Variants in TIGD2 observed in about 807,000 individuals in gnomAD.
TIGD2 encodes tigger transposable element derived 2.
Under a neutral mutation model 27.0 loss-of-function variants are expected in TIGD2, and 14 were observed. The ratio of observed to expected loss-of-function variants is 0.52; its 90% confidence interval spans 0.34 to 0.81. TIGD2 has a LOEUF of 0.81. Ranked by LOEUF, TIGD2 falls within the 30% of genes least tolerant of loss-of-function variation. TIGD2 has a pLI of 0.01. For synonymous variants in TIGD2, 201 were observed against 209.0 expected, an observed-to-expected ratio of 0.96 and a Z score of 0.33; for missense variants, 590 against 617.3, an observed-to-expected ratio of 0.96 and a Z score of 0.47.
At position 89,114,275 on chromosome 4, in the gene TIGD2, C is replaced by T. The variant is rs1041574360; in HGVS notation, c.1301C>T (p.Ser434Phe). ...GAGAATATTGATCAGTGGTTCGACT[C>T]TCGGAGCAGTGACTCAAGCTGTCAG... Reference protein sequence around the residue: ...DIENIDQWFDSRSSDSSCQVL... With the variant: ...DIENIDQWFDFRSSDSSCQVL... The change falls in exon 2 of 2, where the codon TCT becomes TTT. Residue 434 changes from serine to phenylalanine, a missense_variant. Transcript: ENST00000603357. 18 of 1,613,954 alleles carry T rather than the reference C, an allele frequency of 1.1e-5. No homozygotes were observed. Among genetic ancestry groups the T allele is most frequent in the Non-Finnish European group, 1.3e-5 (15 of 1,180,038 alleles).
chr4:89,113,061 A>C lies in TIGD2; in HGVS notation c.87A>C (p.Lys29Asn). 6.2e-7 allele frequency: 1 copy of C among 1,612,964 alleles called. No homozygotes were observed. Among genetic ancestry groups the C allele is most frequent in the Admixed American group, 1.7e-5 (1 of 59,798 alleles). The part of the protein sequence containing the change: ...IKKLEEGISF[K>N]KLSVVYGIGE... ...AACTTGAGGAAGGCATCTCTTTCAA[A>C]AAACTTTCCGTGGTGTACGGAATTG... The change falls in exon 2 of 2, where the codon AAA becomes AAC. Residue 29 changes from lysine (K) to asparagine (N), a missense_variant. By Grantham distance (94) the Lys-to-Asn change is moderately conservative. Transcript: ENST00000603357.
rs1225635463 is a variant in TIGD2, at chr4:89,113,989, C to T, written c.1015C>T (p.Arg339Ter). The T allele has an allele frequency of 2.5e-6, 4 of 1,613,846 alleles. No individual in the cohort carries two copies. The African/African-American group carries it at 4.0e-5, about 16-fold the overall frequency. ...TCTAGCCACTGTAAAAAGATACTATCGAGCAGGACTTCTCCAGAAATACAT... is the reference window on the plus strand; with the variant it reads ...TCTAGCCACTGTAAAAAGATACTATTGAGCAGGACTTCTCCAGAAATACAT... The part of the protein sequence containing the change: ...GVLATVKRYY[R>*]AGLLQKYMDE... Residue 339 changes from arginine to a stop codon, truncating the protein, a stop_gained, in exon 2 of 2, where the codon CGA (arginine) becomes TGA (stop). Transcript: ENST00000603357. LOFTEE classifies it high-confidence loss of function.
Position 89,112,917 on chromosome 4 carries a change from A to G in TIGD2, c.-58A>G. The G allele has an allele frequency of 1.4e-6, 2 of 1,426,214 alleles. No homozygotes were observed. The highest frequency in any genetic ancestry group is 1.4e-5 in the South Asian group (1 of 71,108). 88.3% of individuals were successfully genotyped at this position (1,426,214 alleles called of 1,614,324 possible). A position where few individuals can be genotyped will look rare whatever the true frequency, so the allele number is the denominator to read the frequency against. On this transcript the variant is annotated 5_prime_UTR_variant, in exon 2 of 2. Transcript: ENST00000603357. ...CTCATTTTCTAGTTGCTTTGTATTC[A>G]AATCTTAGTTGTTAATTATCTTGTT...
At position 89,114,014 on chromosome 4, in the gene TIGD2, T is replaced by C. The variant is rs1721164346; in HGVS notation, c.1040T>C (p.Met347Thr). The C allele has an allele frequency of 1.2e-6, 2 of 1,613,862 alleles. No homozygotes were observed. Among genetic ancestry groups the C allele is most frequent in the South Asian group, 2.2e-5 (2 of 91,074 alleles). ...YYRAGLLQKY[M>T]DEGNDPKIFW... ...CGAGCAGGACTTCTCCAGAAATACA[T>C]GGATGAAGGAAATGACCCAAAAATA... Residue 347 changes from methionine (M) to threonine (T), a missense_variant, in exon 2 of 2, where the codon ATG becomes ACG. Coordinates refer to ENST00000603357, the MANE Select transcript of TIGD2 (RefSeq NM_145715.3).
In TIGD2 at chr4:89,114,051, C is replaced by G. The variant is rs748443234; in HGVS notation, c.1077C>G (p.Asn359Lys). Reference sequence around the variant, plus strand: ...ATGACCCAAAAATATTTTGGAAGAACTTGACAGTGTTGGATGCAATTTATG... The same window carrying G: ...ATGACCCAAAAATATTTTGGAAGAAGTTGACAGTGTTGGATGCAATTTATG... Reference protein sequence around the residue: ...EGNDPKIFWKNLTVLDAIYEV... With the variant: ...EGNDPKIFWKKLTVLDAIYEV... Residue 359 changes from asparagine (N) to lysine (K), a missense_variant, in exon 2 of 2, where the codon AAC becomes AAG. This residue lies in a region of TIGD2 where 451 missense variants were observed against 448.0 expected (regional missense o/e 1.01). Coordinates refer to ENST00000603357, the MANE Select transcript of TIGD2 (RefSeq NM_145715.3). 3 of 1,614,098 alleles carry G rather than the reference C, an allele frequency of 1.9e-6. No individual in the cohort carries two copies. The highest frequency in any genetic ancestry group is 2.5e-6 in the Non-Finnish European group (3 of 1,180,032).
Position 89,113,645 on chromosome 4 carries a change from A to G in TIGD2, c.671A>G (p.Asn224Ser), listed in dbSNP as rs763970356. ...CANATGLHKL[N>S]LCVVGKAKKP... ...AATGCCACAGGTTTACACAAACTTA[A>G]TCTTTGTGTTGTGGGGAAGGCCAAA... Residue 224 changes from asparagine (N) to serine (S), a missense_variant, in exon 2 of 2, where the codon AAT becomes AGT. This residue lies in a region of TIGD2 where 451 missense variants were observed against 448.0 expected (regional missense o/e 1.01). Transcript: ENST00000603357. 10 of 1,614,028 alleles carry G rather than the reference A, an allele frequency of 6.2e-6. No homozygotes were observed.
At position 89,113,002 on chromosome 4, in the gene TIGD2, T is replaced by C. The variant is rs1205245153; in HGVS notation, c.28T>C (p.Leu10=). 1.3e-6 allele frequency: 2 copies of C among 1,597,798 alleles called. No individual in the cohort carries two copies. Among genetic ancestry groups the C allele is most frequent in the Admixed American group, 3.5e-5 (2 of 56,562 alleles). The change falls in exon 2 of 2, where the codon TTG becomes CTG. Residue 10 remains leucine (L), a synonymous_variant. Transcript: ENST00000603357. MLGKRKRVV[L]TIKDKLDIIK... ...GTTGGGGAAACGTAAGCGTGTGGTG[T>C]TGACAATTAAGGACAAGCTTGACAT...
In TIGD2 at chr4:89,113,361, TAA is replaced by T; in HGVS notation, c.388_389del (p.Lys130AlafsTer11). 1 of 1,614,182 alleles carries T rather than the reference TAA, an allele frequency of 6.2e-7. No individual in the cohort carries two copies. The highest frequency in any genetic ancestry group is 8.5e-7 in the Non-Finnish European group (1 of 1,180,028). On this transcript the variant is annotated frameshift_variant, in exon 2 of 2. Transcript: ENST00000603357. LOFTEE classifies it high-confidence loss of function. ...CATCGTCAGGCTGGCTAACTCGATT[TAA>T]GCAGCGCCATGGTATTCCAAAGGCT... ...NASSGWLTRF[K>X]QRHGIPKAAG...
rs775095861 is a variant in TIGD2, at chr4:89,112,994, G to A, written c.20G>A (p.Arg7His). The A allele has an allele frequency of 3.8e-6, 6 of 1,590,078 alleles. No homozygotes were observed. Among genetic ancestry groups the A allele is most frequent in the South Asian group, 1.2e-5 (1 of 86,646 alleles). ...CTTAAAATGTTGGGGAAACGTAAGC[G>A]TGTGGTGTTGACAATTAAGGACAAG... Reference protein sequence around the residue: MLGKRKRVVLTIKDKLD... With the variant: MLGKRKHVVLTIKDKLD... Residue 7 changes from arginine (R) to histidine (H), a missense_variant, in exon 2 of 2, where the codon CGT (arginine) becomes CAT (histidine). Arg to His is a conservative substitution (Grantham distance 29). Around this residue, in one of 3 missense-constraint regions of TIGD2, gnomAD observed 92 missense variants for 89.6 expected, o/e 1.03. Coordinates refer to ENST00000603357, the MANE Select transcript of TIGD2 (RefSeq NM_145715.3).
rs1289284702 is a variant in TIGD2 at position 89,113,587 on chromosome 4, A to G, written c.613A>G (p.Ser205Gly). The G allele has an allele frequency of 2.5e-6, 4 of 1,613,906 alleles. No individual in the cohort carries two copies. Among genetic ancestry groups the G allele is most frequent in the Non-Finnish European group, 3.4e-6 (4 of 1,179,966 alleles). The change falls in exon 2 of 2, where the codon AGC becomes GGC. Residue 205 changes from serine (S) to glycine (G), a missense_variant. By Grantham distance (56) the Ser-to-Gly change is moderately conservative. Coordinates refer to ENST00000603357, the MANE Select transcript of TIGD2 (RefSeq NM_145715.3). ...CCAAAGTACTTCTGGGTGTAGGTCA[A>G]GCAGAGAGAGAATCATCATTATGTG... is the stretch of plus-strand genomic sequence containing the variant. ...TDQSTSGCRS[S>G]RERIIIMCCA...
At position 89,113,401 on chromosome 4, in the gene TIGD2, A is replaced by C. The variant is rs753937446; in HGVS notation, c.427A>C (p.Thr143Pro). The C allele has an allele frequency of 1.9e-6, 3 of 1,614,094 alleles. No individual in the cohort carries two copies. Among genetic ancestry groups the C allele is most frequent in the East Asian group, 4.5e-5 (2 of 44,906 alleles). The change falls in exon 2 of 2, where the codon ACA becomes CCA. Residue 143 changes from threonine to proline, a missense_variant. Thr to Pro is a conservative substitution (Grantham distance 38, BLOSUM62 -1). Coordinates refer to ENST00000603357, the MANE Select transcript of TIGD2 (RefSeq NM_145715.3). ...TATTCCAAAGGCTGCTGGTAAAGGA[A>C]CAAAATTAAAAGGAGATGAAACTGC... is the stretch of plus-strand genomic sequence containing the variant. Reference protein sequence around the residue: ...HGIPKAAGKGTKLKGDETAAR... With the variant: ...HGIPKAAGKGPKLKGDETAAR...
At position 89,113,458 on chromosome 4, in the gene TIGD2, T is replaced by G; in HGVS notation, c.484T>G (p.Phe162Val). The G allele has an allele frequency of 6.2e-7, 1 of 1,614,048 alleles. No individual in the cohort carries two copies. The highest frequency in any genetic ancestry group is 8.5e-7 in the Non-Finnish European group (1 of 1,179,958). The change falls in exon 2 of 2, where the codon TTT (phenylalanine) becomes GTT (valine). Residue 162 changes from phenylalanine to valine, a missense_variant. Physicochemically the swap from Phe to Val is conservative, Grantham distance 50. This residue lies in a region of TIGD2 where 451 missense variants were observed against 448.0 expected (regional missense o/e 1.01). Transcript: ENST00000603357. ...AREFCGSFQE[F>V]VEKENLQPEQ... ...AGAATTTTGTGGTAGCTTTCAGGAA[T>G]TTGTTGAAAAAGAGAATCTACAACC... is the stretch of plus-strand genomic sequence containing the variant.
chr4:89,113,401 A>G lies in TIGD2; in HGVS notation c.427A>G (p.Thr143Ala), dbSNP rs753937446. ...HGIPKAAGKG[T>A]KLKGDETAAR... Reference sequence around the variant, plus strand: ...TATTCCAAAGGCTGCTGGTAAAGGAACAAAATTAAAAGGAGATGAAACTGC... The same window carrying G: ...TATTCCAAAGGCTGCTGGTAAAGGAGCAAAATTAAAAGGAGATGAAACTGC... The change falls in exon 2 of 2, where the codon ACA becomes GCA. Residue 143 changes from threonine (T) to alanine (A), a missense_variant. This residue lies in a region of TIGD2 where 451 missense variants were observed against 448.0 expected (regional missense o/e 1.01). Coordinates refer to ENST00000603357, the MANE Select transcript of TIGD2 (RefSeq NM_145715.3). 9.9e-6 allele frequency: 16 copies of G among 1,614,094 alleles called. No individual in the cohort carries two copies. The highest frequency in any genetic ancestry group is 3.4e-6 in the Non-Finnish European group (4 of 1,180,062).
Position 89,113,728 on chromosome 4 carries a change from C to A in TIGD2, c.754C>A (p.Gln252Lys). ...LSNLPVTYYS[Q>K]KGAWIEQSVF... Reference sequence around the variant, plus strand: ...AAACCTTCCTGTGACATATTACAGTCAAAAAGGTGCATGGATAGAACAGTC... The same window carrying A: ...AAACCTTCCTGTGACATATTACAGTAAAAAAGGTGCATGGATAGAACAGTC... The change falls in exon 2 of 2, where the codon CAA (glutamine) becomes AAA (lysine). Residue 252 changes from glutamine (Q) to lysine (K), a missense_variant. Coordinates refer to ENST00000603357, the MANE Select transcript of TIGD2 (RefSeq NM_145715.3). The A allele has an allele frequency of 6.2e-7, 1 of 1,614,130 alleles. No homozygotes were observed. Among genetic ancestry groups the A allele is most frequent in the Non-Finnish European group, 8.5e-7 (1 of 1,180,034 alleles).
chr4:89,114,567 A>G lies in TIGD2; in HGVS notation c.*15A>G, dbSNP rs1721178124. ...AAAATCATTAATAAGGCTCTTAAGT[A>G]TTTCAGTGTATCTGCATCTTTGTGA... On this transcript the variant is annotated 3_prime_UTR_variant, in exon 2 of 2. Transcript: ENST00000603357. 6.4e-7 allele frequency: 1 copy of G among 1,558,206 alleles called. No individual in the cohort carries two copies. Among genetic ancestry groups the G allele is most frequent in the African/African-American group, 1.4e-5 (1 of 72,914 alleles).
upstream of TIGD2, chr4:89,111,258 G>A (rs531364884): frequency 2.0e-5 from 19 of 971,026 alleles, no homozygotes; most frequent in East Asian, 1.5e-3. Context: ...TCCCCCTAGG[G>A]AGAAAAGAGC....
Position 89,112,673 on chromosome 4 carries a change from C to T in TIGD2, c.-302C>T, listed in dbSNP as rs746891621. The T allele has an allele frequency of 1.8e-5, 5 of 272,768 alleles. No individual in the cohort carries two copies. The highest frequency in any genetic ancestry group is 4.4e-5 in the African/African-American group (2 of 45,396). 16.9% of individuals were successfully genotyped at this position (272,768 alleles called of 1,614,324 possible). A position where few individuals can be genotyped will look rare whatever the true frequency, so the allele number is the denominator to read the frequency against. ...GTATGCAATAGTACTGTTTTAGAAG[C>T]CTTACCAGTACAGTTTCTAGCCTCT... On this transcript the variant is annotated 5_prime_UTR_variant, in exon 2 of 2. Transcript: ENST00000603357.
In TIGD2 at chr4:89,113,137, T is replaced by C; in HGVS notation, c.163T>C (p.Tyr55His). 6 of 1,614,030 alleles carry C rather than the reference T, an allele frequency of 3.7e-6. No homozygotes were observed. The highest frequency in any genetic ancestry group is 5.1e-6 in the Non-Finnish European group (6 of 1,180,002). Residue 55 changes from tyrosine to histidine, a missense_variant, in exon 2 of 2, where the codon TAT becomes CAT. Transcript: ENST00000603357. Reference protein sequence around the residue: ...IKKNKERIINYANSSDPTSGV... With the variant: ...IKKNKERIINHANSSDPTSGV... Reference sequence around the variant, plus strand: ...AAAGAACAAAGAAAGGATTATAAACTATGCAAACAGTTCAGATCCTACCAG... The same window carrying C: ...AAAGAACAAAGAAAGGATTATAAACCATGCAAACAGTTCAGATCCTACCAG...
Position 89,112,131 on chromosome 4 carries a change from T to C in TIGD2, c.-844T>C, listed in dbSNP as rs1475280795. On this transcript the variant is annotated 5_prime_UTR_variant, in exon 2 of 2. Transcript: ENST00000603357. ...ACTGCTTCTGTTGGTCCATCGAGGA[T>C]CGTCTTTCACCAGGATTATTGTAAC... The C allele has an allele frequency of 6.6e-6, 1 of 152,192 alleles. No homozygotes were observed. Among genetic ancestry groups the C allele is most frequent in the Non-Finnish European group, 1.5e-5 (1 of 68,038 alleles). The allele number at this position is 152,192 out of a possible 1,614,324, so 9.4% of individuals were successfully genotyped here. A position where few individuals can be genotyped will look rare whatever the true frequency, so the allele number is the denominator to read the frequency against.
Sources: gnomAD v4.1 joint callset for allele counts on GRCh38, gnomAD v4.1.1 for gene constraint, gnomAD v4.1.1 regional missense constraint, MANE v1.5 for transcripts, NCBI Gene and HGNC (gene_info 2026-07-23, HGNC 2026-07-21) for gene names.